Variants in GLIS3 observed in about 807,000 individuals in gnomAD.
GLIS3 encodes the protein GLIS family zinc finger 3, also known as zinc finger protein GLIS3.
A neutral mutation model predicts 78.6 loss-of-function variants in GLIS3; 53 were observed. The observed-to-expected ratio is 0.67, with a 90% CI of 0.54 to 0.85. GLIS3 has a LOEUF of 0.85. GLIS3 is among the 40% of genes least tolerant of loss of function. GLIS3 has a pLI of 0.00. For missense variants in GLIS3, 1,703 were observed against 1,231.1 expected, an observed-to-expected ratio of 1.38 and a Z score of -5.74; for synonymous variants, 684 against 509.9, an observed-to-expected ratio of 1.34 and a Z score of -4.60.
intron 4 of GLIS3, among the ~76,000 whole-genome samples, chr9:3,971,767 T>C (rs7035055): frequency 0.087 from 13,183 of 152,260 alleles, 624 homozygotes; most frequent in Middle Eastern, 0.15. Context: ...TAACTGATGA[T>C]TGGCTCCAGC....
chr9:4,480,453 G>T, the GLIS3 span, among the ~76,000 whole-genome samples: 4 of 151,978 alleles, frequency 2.6e-5, no homozygotes, highest in African/African-American at 9.7e-5. Context: ...CTCCCTTTAT[G>T]GCCTCGCAAA....
At chr9:4,316,502 T>C (rs937570069) in intron 2 of GLIS3, among the ~76,000 whole-genome samples, 1 of 152,218 alleles carries the variant, frequency 6.6e-6, no homozygotes, top group African/African-American at 2.4e-5. Flanking sequence ...ACAAAATCAG[T>C]TCCTGGCCAG....
chr9:4,375,237 A>G, the GLIS3 span, among the ~76,000 whole-genome samples: 1 of 152,200 alleles, frequency 6.6e-6, no homozygotes, highest in South Asian at 2.1e-4. Flanking sequence ...ATCAAGTCTA[A>G]TGAACTCCCA....
At chr9:4,367,761 G>A in the GLIS3 span, among the ~76,000 whole-genome samples, 1 of 150,896 alleles carries the variant, frequency 6.6e-6, no homozygotes, top group South Asian at 2.1e-4. Context: ...ATTTGAAGAA[G>A]TAGCAAATTC....
At chr9:3,926,473 G>A (rs112266206) in intron 6 of GLIS3, among the ~76,000 whole-genome samples, 29,127 of 151,800 alleles carry the variant, frequency 0.19, 3,191 homozygotes, top group Non-Finnish European at 0.25. Flanking sequence ...CTCATGATCC[G>A]CCTGTCTCGG....
At chr9:3,984,043 A>C (rs1327842585) in intron 4 of GLIS3, among the ~76,000 whole-genome samples, 1 of 152,230 alleles carries the variant, frequency 6.6e-6, no homozygotes, top group Non-Finnish European at 1.5e-5. Context: ...CTAGGAGGAA[A>C]AACTGGTTCT....
At chr9:4,474,505 T>C in the GLIS3 span, among the ~76,000 whole-genome samples, 12 of 152,010 alleles carry the variant, frequency 7.9e-5, no homozygotes, top group Admixed American at 5.9e-4. Flanking sequence ...TGGATATCCA[T>C]AGGGAAAAAA....
At chr9:4,273,651 A>G (rs943074860) in intron 2 of GLIS3, among the ~76,000 whole-genome samples, 10 of 151,400 alleles carry the variant, frequency 6.6e-5, no homozygotes, top group African/African-American at 2.4e-4. Flanking sequence ...TTTCACATTT[A>G]TCATCTAACT....
intron 8 of GLIS3, among the ~76,000 whole-genome samples, chr9:3,864,452 G>A (rs572587390): frequency 6.6e-6 from 1 of 152,272 alleles, no homozygotes; most frequent in Admixed American, 6.5e-5. Context: ...TCCTTCTCAT[G>A]GTTTCAAAAT....
chr9:4,379,768 A>G, the GLIS3 span, among the ~76,000 whole-genome samples: 125 of 152,372 alleles, frequency 8.2e-4, 1 homozygote, highest in African/African-American at 2.7e-3. Context: ...GTATTTTCAA[A>G]TATCTTTTTG....
intron 2 of GLIS3, among the ~76,000 whole-genome samples, chr9:4,331,778 A>G (rs1227854774): frequency 6.6e-6 from 1 of 152,230 alleles, no homozygotes; most frequent in African/African-American, 2.4e-5. Flanking sequence ...ATGAGCAGGA[A>G]ATAACCAGAT....
chr9:3,946,973 C>A (rs555126496), intron 4 of GLIS3, among the ~76,000 whole-genome samples: 3 of 143,368 alleles, frequency 2.1e-5, no homozygotes, highest in Admixed American at 6.9e-5. Flanking sequence ...CAGTTTCCCA[C>A]GACGCCACGC....
chr9:4,332,542 C>A (rs750166237), intron 2 of GLIS3, among the ~76,000 whole-genome samples: 79 of 152,218 alleles, frequency 5.2e-4, no homozygotes, highest in Non-Finnish European at 1.1e-3. Flanking sequence ...GCTGTAGTAG[C>A]CTTGCACCCA....
At chr9:3,980,184 GA>G (rs200701256) in intron 4 of GLIS3, among the ~76,000 whole-genome samples, 22 of 152,110 alleles carry the variant, frequency 1.4e-4, no homozygotes, top group African/African-American at 5.3e-4. Flanking sequence ...TGCTTAAAAA[GA>G]AAAAAATTTT....
chr9:3,828,450 C>T (rs776073082), intron 10 of GLIS3, 42 bp from the exon 11 acceptor site: 10 of 1,609,662 alleles, frequency 6.2e-6, no homozygotes, highest in Non-Finnish European at 8.5e-6. Context: ...ACTCCTGCCC[C>T]ATGCCACGCC....
intron 2 of GLIS3, among the ~76,000 whole-genome samples, chr9:4,176,249 A>C (rs1362390398): frequency 6.6e-6 from 1 of 152,222 alleles, no homozygotes; most frequent in East Asian, 1.9e-4. Flanking sequence ...CAATGTAAAA[A>C]ATTGGGAAAA....
At chr9:4,393,885 T>C in the GLIS3 span, among the ~76,000 whole-genome samples, 2 of 152,186 alleles carry the variant, frequency 1.3e-5, no homozygotes, top group South Asian at 2.1e-4. Flanking sequence ...GATTCTCTTT[T>C]TACCGCCAGT....
chr9:4,208,680 T>G (rs959305576), intron 2 of GLIS3, among the ~76,000 whole-genome samples: 7 of 152,196 alleles, frequency 4.6e-5, no homozygotes, highest in Non-Finnish European at 7.3e-5. Flanking sequence ...AGAGAATAAT[T>G]TGAAAAACCC....
chr9:4,004,065 G>A (rs1408902553), intron 4 of GLIS3, among the ~76,000 whole-genome samples: 1 of 152,082 alleles, frequency 6.6e-6, no homozygotes, highest in Non-Finnish European at 1.5e-5. Context: ...TAGAAACTGG[G>A]GCAAAGGGAA....
Sources: allele counts gnomAD v4.1 joint callset (sites outside exome capture counted in the v4.1 genomes callset), GRCh38; gene constraint gnomAD v4.1.1; transcripts MANE v1.5; gene names NCBI Gene and HGNC (gene_info 2026-07-23, HGNC 2026-07-21).